Variants in PPP1R12C observed in about 807,000 individuals in gnomAD.
PPP1R12C encodes the protein leukocyte receptor cluster (LRC) encoded novel gene 3.
In PPP1R12C, 48 loss-of-function variants were observed where a neutral mutation model predicts 95.6. The observed-to-expected ratio is 0.50, with a 90% CI of 0.40 to 0.64. The LOEUF (loss-of-function observed/expected upper bound fraction) is 0.64, where lower values mean the gene tolerates loss of function less well. Ranked by LOEUF, PPP1R12C falls within the 30% of genes least tolerant of loss-of-function variation. The pLI is 0.00. For synonymous variants in PPP1R12C, 480 were observed against 460.8 expected (o/e 1.04, Z -0.53); for missense variants, 1,057 against 1,083.3 (o/e 0.98, Z 0.34).
At chr19:55,097,633 G>A (rs1160994280) in intron 6 of PPP1R12C, among the ~76,000 whole-genome samples, 4 of 96,616 alleles carry the variant, frequency 4.1e-5, no homozygotes, top group Non-Finnish European at 4.1e-5. Context: ...GTTCACCACC[G>A]TCTTCACCCC....
Position 55,093,022 on chromosome 19 carries a change from G to C in PPP1R12C, c.1819C>G (p.Gln607Glu). 1 of 1,582,360 alleles carries C rather than the reference G, an allele frequency of 6.3e-7. No homozygotes were observed. Among genetic ancestry groups the C allele is most frequent in the Non-Finnish European group, 8.6e-7 (1 of 1,163,014 alleles). ...PGVENSDSPAQRAEAPDGQGP... is the reference protein window; with the variant it reads ...PGVENSDSPAERAEAPDGQGP... ...CCCCGAGAGCAGACCTCACCTCTCT[G>C]GGCAGGGCTGTCAGAGTTCTCCACT... The change falls in exon 15 of 22, where the codon CAG (glutamine) becomes GAG (glutamate). Residue 607 changes from glutamine to glutamate, a missense_variant. By Grantham distance (29) the Gln-to-Glu change is conservative. Transcript: ENST00000263433.
In PPP1R12C at chr19:55,103,560, C is replaced by T; in HGVS notation, c.580G>A (p.Val194Met). 2.5e-6 allele frequency: 4 copies of T among 1,581,342 alleles called. No individual in the cohort carries two copies. Among genetic ancestry groups the T allele is most frequent in the Non-Finnish European group, 3.5e-6 (4 of 1,157,226 alleles). The change falls in exon 4 of 22, where the codon GTG (valine) becomes ATG (methionine). Residue 194 changes from valine (V) to methionine (M), a missense_variant. Transcript: ENST00000263433. ...TCTTCTGCCCGCTTGGCTGCTTCCA[C>T]ATCCACACCTAGGAGGATAAGAGGC... The part of the protein sequence containing the change: ...KAEIARRGVD[V>M]EAAKRAEEEL...
At position 55,091,690 on chromosome 19, in the gene PPP1R12C, G is replaced by C. The variant is rs1375309664; in HGVS notation, c.2222C>G (p.Ala741Gly). ...CAGCTCTGCGGCCTTGCGTTCCAGG[G>C]CCCTGCGCTCCTGGAATGAACAGGG... ...LLELERFERR[A>G]LERKAAELEE... is the part of the protein sequence containing the mutation. The change falls in exon 21 of 22, where the codon GCC (alanine) becomes GGC (glycine). Residue 741 changes from alanine (A) to glycine (G), a missense_variant. Around this residue, in one of 5 missense-constraint regions of PPP1R12C, gnomAD observed 347 missense variants for 307.9 expected, o/e 1.13. Transcript: ENST00000263433. 1 of 1,613,442 alleles carries C rather than the reference G, an allele frequency of 6.2e-7. No individual in the cohort carries two copies. The highest frequency in any genetic ancestry group is 8.5e-7 in the Non-Finnish European group (1 of 1,179,926).
At chr19:55,092,961 T>A in intron 15 of PPP1R12C, 55 bp downstream of exon 15, 1 of 1,570,080 alleles carries the variant, frequency 6.4e-7, no homozygotes, top group Non-Finnish European at 8.6e-7. Flanking sequence ...GCAAGAAGAC[T>A]ATGGGAGAAA....
In PPP1R12C at chr19:55,117,269, G is replaced by A. The variant is rs1170847006; in HGVS notation, c.275C>T (p.Ala92Val). Residue 92 changes from alanine to valine, a missense_variant, in exon 1 of 22, where the codon GCC becomes GTC. Physicochemically the swap from Ala to Val is moderately conservative, Grantham distance 64. Around this residue, in one of 5 missense-constraint regions of PPP1R12C, gnomAD observed 282 missense variants for 380.4 expected, o/e 0.74. Transcript: ENST00000263433. ...LDPAAPPPAR[A>V]VLDSTNADGI... is the part of the protein sequence containing the mutation. ...GTCGGCGTTGGTGGAGTCCAGCACGGCGCGGGCGGGCGGCGGCGCGGCGGG... is the reference window on the plus strand; with the variant it reads ...GTCGGCGTTGGTGGAGTCCAGCACGACGCGGGCGGGCGGCGGCGCGGCGGG... The A allele has an allele frequency of 1.2e-5, 15 of 1,224,776 alleles. No individual in the cohort carries two copies. Among genetic ancestry groups the A allele is most frequent in the Non-Finnish European group, 1.5e-5 (15 of 984,676 alleles). 75.9% of individuals were successfully genotyped at this position (1,224,776 alleles called of 1,614,324 possible).
At chr19:55,114,398 C>G (rs1012764318) in intron 1 of PPP1R12C, 1 of 152,460 alleles carries the variant, frequency 6.6e-6, no homozygotes, top group Admixed American at 6.5e-5. Flanking sequence ...GATAAACCCA[C>G]GTGGGGTACC....
chr19:55,107,935 CTTT>C (rs34454787), intron 3 of PPP1R12C, among the ~76,000 whole-genome samples: 8 of 134,728 alleles, frequency 5.9e-5, no homozygotes, highest in Non-Finnish European at 7.9e-5. Context: ...AATTTACCAT[CTTT>C]TTTTTTTTTT....
Position 55,109,877 on chromosome 19 carries a change from C to T in PPP1R12C, c.571+2590G>A, listed in dbSNP as rs1020504658. Among the ~76,000 whole-genome samples the T allele has an allele frequency of 1.2e-4, 19 of 152,162 alleles. No homozygotes were observed. The highest frequency in any genetic ancestry group is 1.5e-5 in the Non-Finnish European group (1 of 68,024). On this transcript the variant is annotated intron_variant, in intron 3 of 21. Transcript: ENST00000263433. The surrounding 1 kb of genome is among the most constrained non-coding windows in gnomAD (Gnocchi z 4.4). ...GGTGTCACAGGGTGTCACAGGCAGTCGCCTTGTGATTTGGGGCCGCAGAGT... is the reference window on the plus strand; with the variant it reads ...GGTGTCACAGGGTGTCACAGGCAGTTGCCTTGTGATTTGGGGCCGCAGAGT...
At chr19:55,095,737 C>T in intron 9 of PPP1R12C, 130 bp downstream of exon 9, 2 of 1,517,334 alleles carry the variant, frequency 1.3e-6, no homozygotes, top group Non-Finnish European at 1.8e-6. Flanking sequence ...AAAAGGAAGC[C>T]GGTTGTCCAG....
Position 55,109,178 on chromosome 19 carries a change from G to A in PPP1R12C, c.571+3289C>T, listed in dbSNP as rs1603001105. 6.6e-6 allele frequency among the ~76,000 whole-genome samples: 1 copy of A among 152,160 alleles called. No individual in the cohort carries two copies. Among genetic ancestry groups the A allele is most frequent in the Admixed American group, 6.5e-5 (1 of 15,286 alleles). ...CAGGCTGGAGTGACCGTGGTTCACT[G>A]CATCTTCCACCTCCCAGGCTCAAGC... is the stretch of plus-strand genomic sequence containing the variant. On this transcript the variant is annotated intron_variant, in intron 3 of 21. Transcript: ENST00000263433. This position sits in a 1 kb window ranked among gnomAD's most constrained non-coding sequence, Gnocchi z 4.4.
intron 8 of PPP1R12C, 49 bp downstream of exon 8, chr19:55,096,002 C>G (rs2084907564): frequency 1.9e-6 from 3 of 1,607,216 alleles, no homozygotes; most frequent in Non-Finnish European, 2.5e-6. Flanking sequence ...ATTCAGAGAA[C>G]CCGACCCCTC....
rs2085000404 is a variant in PPP1R12C, at chr19:55,103,483, T to G, written c.657A>C (p.Pro219=). Residue 219 remains proline (P), a synonymous_variant, in exon 4 of 22, where the codon CCA becomes CCC. Transcript: ENST00000263433. ...CGCCTGTGCGGGGGTGCCGGGCCTCTGGCATGGCGCCCCCATTCAGCCAGC... is the reference window on the plus strand; with the variant it reads ...CGCCTGTGCGGGGGTGCCGGGCCTCGGGCATGGCGCCCCCATTCAGCCAGC... The part of the protein sequence containing the change: ...TRCWLNGGAM[P]EARHPRTGAS... The G allele has an allele frequency of 1.2e-6, 2 of 1,602,566 alleles. No individual in the cohort carries two copies. Among genetic ancestry groups the G allele is most frequent in the African/African-American group, 2.7e-5 (2 of 74,532 alleles).
In PPP1R12C at chr19:55,092,356, G is replaced by A. The variant is rs765068722; in HGVS notation, c.2056-30C>T. The A allele has an allele frequency of 2.5e-6, 4 of 1,568,874 alleles. No individual in the cohort carries two copies. The East Asian group carries it at 7.0e-5, about 27-fold the overall frequency. ...GGGTCAGGTAGAGGAGGGTCAGGTG[G>A]AGGATGGGGCGATGCTGGGGGGGCG... is the stretch of plus-strand genomic sequence containing the variant. On this transcript the variant is annotated intron_variant, in intron 18 of 21. Transcript: ENST00000263433.
At chr19:55,093,122 C>T (rs2084866996) in intron 14 of PPP1R12C, 31 bp downstream of exon 14, 1 of 1,613,260 alleles carries the variant, frequency 6.2e-7, no homozygotes, top group Non-Finnish European at 8.5e-7. Flanking sequence ...CATCCCGCAC[C>T]ACCCCACTCG....
intron 1 of PPP1R12C, chr19:55,113,118 C>A (rs1317285738): frequency 2.2e-5 from 11 of 511,618 alleles, no homozygotes; most frequent in Non-Finnish European, 3.8e-5. Context: ...GCAAAACCCC[C>A]GTCACCACCC....
chr19:55,093,245 A>C lies in PPP1R12C; in HGVS notation c.1684-12T>G, dbSNP rs1243796619. 1 of 1,610,952 alleles carries C rather than the reference A, an allele frequency of 6.2e-7. No homozygotes were observed. Among genetic ancestry groups the C allele is most frequent in the Non-Finnish European group, 8.5e-7 (1 of 1,179,210 alleles). On this transcript the variant is annotated splice_polypyrimidine_tract_variant and intron_variant, in intron 13 of 21. Coordinates refer to ENST00000263433, the MANE Select transcript of PPP1R12C (RefSeq NM_017607.4). ...GTAAGAGTCACACCCTGGCAGGGAA[A>C]GGGGACAGTCAGGGGACGCTGGGGT...
At chr19:55,113,175 C>T (rs2085116812) in intron 1 of PPP1R12C, 3 of 484,512 alleles carry the variant, frequency 6.2e-6, no homozygotes, top group Admixed American at 3.6e-5. Context: ...GTTCCAGCCC[C>T]TCCTCCTTCA....
chr19:55,091,309 C>T lies in PPP1R12C; in HGVS notation c.*163G>A, dbSNP rs1183028667. ...CCATCCTGGCCTCGGGTGGCCCCCT[C>T]GGCTCCTGGGGACTCTGCTCCCCTC... On this transcript the variant is annotated 3_prime_UTR_variant, in exon 22 of 22. Transcript: ENST00000263433. 22 of 758,302 alleles carry T rather than the reference C, an allele frequency of 2.9e-5. No homozygotes were observed. The highest frequency in any genetic ancestry group is 8.3e-5 in the Admixed American group (3 of 35,982). 47.0% of individuals were successfully genotyped at this position (758,302 alleles called of 1,614,324 possible). A position where few individuals can be genotyped will look rare whatever the true frequency, so the allele number is the denominator to read the frequency against.
intron 19 of PPP1R12C, 24 bp from the exon 20 acceptor site, chr19:55,091,933 G>A: frequency 1.9e-6 from 3 of 1,612,642 alleles, no homozygotes; most frequent in Non-Finnish European, 2.5e-6. Flanking sequence ...AGAAAGCACA[G>A]GGGTCAGCAG....
Sources: gnomAD v4.1 joint callset for allele counts (sites outside exome capture counted in the v4.1 genomes callset) on GRCh38, gnomAD v4.1.1 for gene constraint, gnomAD v4.1.1 regional missense constraint, Gnocchi (gnomAD v3.1) non-coding constraint, MANE v1.5 for transcripts, NCBI Gene and HGNC (gene_info 2026-07-23, HGNC 2026-07-21) for gene names.